The following PCDHA12 variants were observed in gnomAD, a reference collection of about 807,000 sequenced individuals.
PCDHA12 encodes the protein protocadherin alpha 12, also known as protocadherin alpha-12.
Under a neutral mutation model 60.0 loss-of-function variants are expected in PCDHA12, and 44 were observed. The ratio of observed to expected loss-of-function variants is 0.73; its 90% CI spans 0.58 to 0.94. The LOEUF is 0.94. PCDHA12 is among the 40% of genes least tolerant of loss of function. The probability of loss-of-function intolerance (pLI) is 0.00; values close to 1 mark genes in which losing one functional copy is unlikely to be tolerated. For synonymous variants in PCDHA12, 569 were observed against 553.0 expected, an observed-to-expected ratio of 1.03 and a Z score of -0.40; for missense variants, 1,276 against 1,239.7, an observed-to-expected ratio of 1.03 and a Z score of -0.44.
chr5:140,995,498 CTG>C (rs1554254703), intron 3 of PCDHA12, among the ~76,000 whole-genome samples: 5 of 152,150 alleles, frequency 3.3e-5, no homozygotes, highest in Non-Finnish European at 5.9e-5. Context: ...CTAAGGTTGA[CTG>C]TGGGTAACTG....
At chr5:140,943,063 C>T (rs1461337774) in intron 1 of PCDHA12, among the ~76,000 whole-genome samples, 1 of 151,748 alleles carries the variant, frequency 6.6e-6, no homozygotes, top group Admixed American at 6.6e-5. Context: ...TCAAGAACAG[C>T]CTGACCAACA....
intron 1 of PCDHA12, among the ~76,000 whole-genome samples, chr5:140,945,813 C>G (rs10477097): frequency 1.1e-4 from 16 of 152,202 alleles, no homozygotes; most frequent in African/African-American, 3.6e-4. Context: ...TTATCTCACA[C>G]TGTATACAAA....
chr5:140,924,132 T>C (rs1417924703), intron 1 of PCDHA12, among the ~76,000 whole-genome samples: 1 of 152,246 alleles, frequency 6.6e-6, no homozygotes, highest in East Asian at 1.9e-4. Flanking sequence ...TTAGCAGCAT[T>C]AATTTAAAAT....
chr5:140,895,442 C>T (rs2065008027), intron 1 of PCDHA12, among the ~76,000 whole-genome samples: 1 of 152,148 alleles, frequency 6.6e-6, no homozygotes. Context: ...AGACTCTTTT[C>T]ATGTGCTTAT....
At chr5:140,884,395 C>T (rs1554181520) in intron 1 of PCDHA12, 1 of 1,614,000 alleles carries the variant, frequency 6.2e-7, no homozygotes, top group African/African-American at 1.3e-5. Context: ...CGGTGTCCAG[C>T]CTGTTGGTGC....
intron 1 of PCDHA12, among the ~76,000 whole-genome samples, chr5:140,916,423 G>A (rs915446945): frequency 6.6e-6 from 1 of 152,174 alleles, no homozygotes; most frequent in Non-Finnish European, 1.5e-5. Context: ...GCACATCTCA[G>A]AACCTAAGGC....
chr5:141,001,910 C>T (rs1365182561), intron 3 of PCDHA12, among the ~76,000 whole-genome samples: 1 of 152,196 alleles, frequency 6.6e-6, no homozygotes, highest in Non-Finnish European at 1.5e-5. Flanking sequence ...TTGAAAAAGA[C>T]TGCAGTGGCT....
In PCDHA12 at chr5:141,010,358, C is replaced by G; in HGVS notation, c.*421C>G. 1 of 1,488,620 alleles carries G rather than the reference C, an allele frequency of 6.7e-7. No homozygotes were observed. The highest frequency in any genetic ancestry group is 1.3e-5 in the South Asian group (1 of 76,158). 92.2% of individuals were successfully genotyped at this position (1,488,620 alleles called of 1,614,324 possible). On this transcript the variant is annotated 3_prime_UTR_variant, in exon 4 of 4. Transcript: ENST00000398631. ...GTGGCCACTGGGTATGTGTGGCTAC[C>G]GCGGGTATGCGAGTGCCAGATATTG...
chr5:140,990,838 A>C (rs2097419271), intron 3 of PCDHA12, among the ~76,000 whole-genome samples: 1 of 152,222 alleles, frequency 6.6e-6, no homozygotes, highest in Admixed American at 6.5e-5. Flanking sequence ...CCTATTAGCA[A>C]AAATAGAGCC....
chr5:140,882,346 G>A (rs146510190), intron 1 of PCDHA12: 86 of 1,614,078 alleles, frequency 5.3e-5, no homozygotes, highest in African/African-American at 9.3e-5. Flanking sequence ...CCTGGGAGAC[G>A]GGTAGTGGCC....
At chr5:140,956,174 C>T (rs1353306679) in intron 1 of PCDHA12, among the ~76,000 whole-genome samples, 1 of 152,154 alleles carries the variant, frequency 6.6e-6, no homozygotes. Context: ...GCCAGAACTT[C>T]CAATACTATG....
chr5:140,952,496 G>A (rs2094755026), intron 1 of PCDHA12, among the ~76,000 whole-genome samples: 1 of 152,112 alleles, frequency 6.6e-6, no homozygotes, highest in Non-Finnish European at 1.5e-5. Flanking sequence ...CCAGTCCTCA[G>A]TAAGTTCCTC....
At chr5:140,930,258 ATTTCT>A (rs1398620749) in intron 1 of PCDHA12, 6 of 152,342 alleles carry the variant, frequency 3.9e-5, no homozygotes, top group African/African-American at 1.4e-4. Flanking sequence ...CTTGGATTTA[ATTTCT>A]TTTATTTTAG....
intron 1 of PCDHA12, among the ~76,000 whole-genome samples, chr5:140,903,298 A>G (rs1218115864): frequency 6.6e-6 from 1 of 152,170 alleles, no homozygotes; most frequent in Non-Finnish European, 1.5e-5. Context: ...TAGGAAATTT[A>G]GTATACAATA....
chr5:140,978,680 T>C (rs2096816388), intron 1 of PCDHA12, among the ~76,000 whole-genome samples: 1 of 152,240 alleles, frequency 6.6e-6, no homozygotes, highest in Non-Finnish European at 1.5e-5. Context: ...CAGACATGTA[T>C]TGGGCAAGGC....
intron 1 of PCDHA12, among the ~76,000 whole-genome samples, chr5:140,917,324 CG>C (rs1299895515): frequency 5.3e-5 from 4 of 76,126 alleles, no homozygotes; most frequent in African/African-American, 1.7e-4. Context: ...GTTCATGTGG[CG>C]GGGGAGGGGG....
chr5:140,928,903 T>C, intron 1 of PCDHA12: 1 of 1,614,190 alleles, frequency 6.2e-7, no homozygotes, highest in Non-Finnish European at 8.5e-7. Flanking sequence ...TGAAGATGTC[T>C]GGGAACCAGG....
chr5:140,927,218 A>T, intron 1 of PCDHA12: 1 of 1,614,090 alleles, frequency 6.2e-7, no homozygotes, highest in Non-Finnish European at 8.5e-7. Flanking sequence ...GAGCTGCACA[A>T]GATTCGGATT....
chr5:140,961,694 G>A (rs1554225551), intron 1 of PCDHA12, among the ~76,000 whole-genome samples: 2 of 152,152 alleles, frequency 1.3e-5, no homozygotes, highest in Non-Finnish European at 2.9e-5. Flanking sequence ...GTAGTCCTTA[G>A]TATGAATGCC....
Sources: gnomAD v4.1 joint callset for allele counts (sites outside exome capture counted in the v4.1 genomes callset) on GRCh38, gnomAD v4.1.1 for gene constraint, MANE v1.5 for transcripts, NCBI Gene and HGNC (gene_info 2026-07-23, HGNC 2026-07-21) for gene names.